BANK1: variants seen among roughly 807,000 people sequenced by gnomAD.
BANK1 encodes the protein B-cell scaffold protein with ankyrin repeats.
BANK1 carries 95 observed loss-of-function variants against 94.5 expected under a neutral mutation model. That is an observed-to-expected ratio of 1.00 (90% confidence interval 0.85 to 1.19). The LOEUF (loss-of-function observed/expected upper bound fraction) is 1.19. Among genes scored for constraint, BANK1 ranks in the 50% most tolerant of loss-of-function variants. The probability of loss-of-function intolerance (pLI) is 0.00; values close to 1 mark genes in which losing one functional copy is unlikely to be tolerated. For synonymous variants in BANK1, 334 were observed against 308.4 expected, an observed-to-expected ratio of 1.08 and a Z score of -0.87; for missense variants, 987 against 932.2, an observed-to-expected ratio of 1.06 and a Z score of -0.77.
Position 102,071,349 on chromosome 4 carries a change from T to C in BANK1, c.2242+45T>C, listed in dbSNP as rs1728753494. 2.5e-6 allele frequency: 4 copies of C among 1,569,508 alleles called. No homozygotes were observed. The African/African-American group carries it at 5.4e-5, about 21-fold the overall frequency. On this transcript the variant is annotated intron_variant, in intron 14 of 16. Transcript: ENST00000322953. ...TGAAGGATCTAAGACTAAAACAAAGTACAGAGTAAATCAATTTCAATATTA... is the reference window on the plus strand; with the variant it reads ...TGAAGGATCTAAGACTAAAACAAAGCACAGAGTAAATCAATTTCAATATTA...
intron 2 of BANK1, among the ~76,000 whole-genome samples, chr4:101,848,959 C>G (rs1249191291): frequency 6.6e-6 from 1 of 152,166 alleles, no homozygotes; most frequent in Non-Finnish European, 1.5e-5. Context: ...ATAGGCTTAT[C>G]CCCTTATCTG....
intron 7 of BANK1, among the ~76,000 whole-genome samples, chr4:101,969,609 A>G (rs1287947124): frequency 6.6e-6 from 1 of 152,124 alleles, no homozygotes; most frequent in Non-Finnish European, 1.5e-5. Flanking sequence ...AAGTTTACTG[A>G]GGAAAATATT....
At chr4:102,036,643 A>T (rs1017094999) in intron 10 of BANK1, 2 of 152,136 alleles carry the variant, frequency 1.3e-5, no homozygotes, top group Non-Finnish European at 2.9e-5. Flanking sequence ...TCCATGAGAG[A>T]GTGCTGGTGT....
intron 7 of BANK1, among the ~76,000 whole-genome samples, chr4:101,946,023 G>A (rs1452517005): frequency 1.3e-5 from 2 of 151,912 alleles, no homozygotes; most frequent in African/African-American, 4.8e-5. Context: ...ACTTTACCTT[G>A]TAGAAAATTC....
intron 2 of BANK1, among the ~76,000 whole-genome samples, chr4:101,844,513 G>A (rs1371480351): frequency 6.6e-6 from 1 of 152,184 alleles, no homozygotes; most frequent in African/African-American, 2.4e-5. Flanking sequence ...GTGAGGCTGA[G>A]GAAGGACAAG....
In BANK1 at chr4:101,973,488, G is replaced by A. The variant is rs1477386193; in HGVS notation, c.1207-48026G>A. ...ACTGAGTCCAGAGCTTTCTTCCTGA[G>A]CCTCTAAATTCTACTGCCTTAGTCA... On this transcript the variant is annotated intron_variant, in intron 7 of 16. Transcript: ENST00000322953. Among the ~76,000 whole-genome samples, 4 of 152,036 alleles carry A rather than the reference G, an allele frequency of 2.6e-5. No homozygotes were observed. The East Asian group carries it at 7.7e-4, about 29-fold the overall frequency.
chr4:101,863,032 T>G (rs1053561624), intron 4 of BANK1, among the ~76,000 whole-genome samples: 3 of 151,956 alleles, frequency 2.0e-5, no homozygotes, highest in Non-Finnish European at 2.9e-5. Flanking sequence ...TAAACTCTAT[T>G]TTTTTCCCTT....
At chr4:101,918,848 C>T (rs1442327301) in intron 7 of BANK1, among the ~76,000 whole-genome samples, 1 of 151,780 alleles carries the variant, frequency 6.6e-6, no homozygotes, top group African/African-American at 2.4e-5. Context: ...TCAGATTAAG[C>T]CAATCTAATT....
chr4:101,791,007 C>A (rs1033927341), intron 1 of BANK1, 57 bp downstream of exon 1: 28 of 1,348,696 alleles, frequency 2.1e-5, no homozygotes, highest in Non-Finnish European at 2.7e-5. Context: ...CGGGGCTCTG[C>A]GGAGACCACG....
chr4:101,916,340 T>A (rs756500200), intron 6 of BANK1, among the ~76,000 whole-genome samples: 2 of 152,026 alleles, frequency 1.3e-5, no homozygotes, highest in Admixed American at 6.6e-5. Flanking sequence ...CACCCCAAAG[T>A]GGTCATTCTA....
chr4:101,936,536 A>G (rs534550824), intron 7 of BANK1, among the ~76,000 whole-genome samples: 7 of 150,566 alleles, frequency 4.6e-5, no homozygotes, highest in Admixed American at 3.3e-4. Context: ...ATATAAGATG[A>G]TACACATACA....
At chr4:101,933,508 G>T (rs73836674) in intron 7 of BANK1, among the ~76,000 whole-genome samples, 6 of 151,422 alleles carry the variant, frequency 4.0e-5, no homozygotes, top group South Asian at 2.1e-4. Flanking sequence ...CAGGGCAGTG[G>T]TTCTCACTAT....
chr4:102,015,094 A>G (rs1318665352), intron 7 of BANK1, among the ~76,000 whole-genome samples: 1 of 152,008 alleles, frequency 6.6e-6, no homozygotes. Flanking sequence ...AGACATAACT[A>G]TGTGGCTTTT....
intron 5 of BANK1, among the ~76,000 whole-genome samples, chr4:101,891,831 GTTC>G (rs1312064470): frequency 1.3e-5 from 2 of 151,838 alleles, no homozygotes; most frequent in Non-Finnish European, 2.9e-5. Flanking sequence ...ATTCTAGTTG[GTTC>G]TTCTTTGTAT....
intron 7 of BANK1, among the ~76,000 whole-genome samples, chr4:101,941,871 C>G (rs1429259475): frequency 6.6e-6 from 1 of 151,766 alleles, no homozygotes; most frequent in Non-Finnish European, 1.5e-5. Context: ...TGACTTTCCT[C>G]TTCATTTTGT....
chr4:101,837,758 C>G (rs189147800), intron 2 of BANK1, among the ~76,000 whole-genome samples: 2 of 152,056 alleles, frequency 1.3e-5, no homozygotes, highest in East Asian at 3.9e-4. Context: ...TTTATTAGTC[C>G]TAGGCAGCAG....
intron 6 of BANK1, among the ~76,000 whole-genome samples, chr4:101,900,687 A>G (rs753810737): frequency 1.3e-5 from 2 of 152,234 alleles, no homozygotes; most frequent in Admixed American, 6.5e-5. Context: ...TAAAATAAAT[A>G]TCAATGCTGT....
At chr4:101,929,352 A>G (rs1290118309) in intron 7 of BANK1, among the ~76,000 whole-genome samples, 1 of 151,598 alleles carries the variant, frequency 6.6e-6, no homozygotes, top group Non-Finnish European at 1.5e-5. Flanking sequence ...GGCCTTTAGG[A>G]TTTGTAAAGC....
chr4:101,808,860 G>A (rs1326143005), intron 1 of BANK1, among the ~76,000 whole-genome samples: 1 of 151,994 alleles, frequency 6.6e-6, no homozygotes. Context: ...ATAGATGTTG[G>A]AGTCCATGTG....
Sources: gnomAD v4.1 joint callset for allele counts (sites outside exome capture counted in the v4.1 genomes callset) on GRCh38, gnomAD v4.1.1 for gene constraint, MANE v1.5 for transcripts, NCBI Gene and HGNC (gene_info 2026-07-23, HGNC 2026-07-21) for gene names.